Variants in CFAP91 observed in about 807,000 individuals in gnomAD.
CFAP91 encodes the protein cilia and flagella associated protein 91.
Under a neutral mutation model 95.9 loss-of-function variants are expected in CFAP91, and 85 were observed. The observed-to-expected ratio is 0.89, with a 90% confidence interval of 0.74 to 1.06. The LOEUF is 1.06. Among genes scored for constraint, CFAP91 ranks in the 50% least tolerant of loss-of-function variants. The pLI is 0.00. For missense variants in CFAP91, 962 were observed against 943.4 expected, an observed-to-expected ratio of 1.02 and a Z score of -0.26; for synonymous variants, 335 against 327.5, an observed-to-expected ratio of 1.02 and a Z score of -0.25.
intron 6 of CFAP91, among the ~76,000 whole-genome samples, chr3:119,723,200 G>A (rs1378556428): frequency 6.6e-6 from 1 of 152,218 alleles, no homozygotes; most frequent in African/African-American, 2.4e-5. Context: ...AGATTGGGCA[G>A]ATGCAATGTG....
chr3:119,721,115 T>C (rs2053676849), intron 6 of CFAP91, among the ~76,000 whole-genome samples: 1 of 152,292 alleles, frequency 6.6e-6, no homozygotes, highest in East Asian at 1.9e-4. Flanking sequence ...ATACTAGCAA[T>C]CTAATCTTGC....
chr3:119,765,082 G>A lies in CFAP91; in HGVS notation c.*32G>A, dbSNP rs1433654141. The A allele has an allele frequency of 6.6e-6, 1 of 152,082 alleles. No individual in the cohort carries two copies. The highest frequency in any genetic ancestry group is 2.4e-5 in the African/African-American group (1 of 41,414). 9.4% of individuals were successfully genotyped at this position (152,082 alleles called of 1,614,324 possible). A position where few individuals can be genotyped will look rare whatever the true frequency, so the allele number is the denominator to read the frequency against. ...GATTTTTTTGTAAAAGAAGCTGTAC[G>A]AATCATCATAAATAATTCCAATAGT... On this transcript the variant is annotated 3_prime_UTR_variant, in exon 18 of 18. Transcript: ENST00000273390.
chr3:119,738,024 GATGCAAATTTAT>G (rs2054043256), intron 11 of CFAP91, among the ~76,000 whole-genome samples: 1 of 152,208 alleles, frequency 6.6e-6, no homozygotes, highest in Non-Finnish European at 1.5e-5. Flanking sequence ...GAGATGCCAT[GATGCAAATTTAT>G]TACTTTACAG....
At position 119,706,861 on chromosome 3, in the gene CFAP91, A is replaced by G; in HGVS notation, c.177A>G (p.Gln59=). ...AAGACCATACACAGGCAAATATCCA[A>G]GCTACCCTGATTCGCAGCAGACTGG... is the stretch of plus-strand genomic sequence containing the variant. ...SEKDHTQANI[Q]ATLIRSRLRK... The change falls in exon 2 of 18, where the codon CAA becomes CAG. Residue 59 remains glutamine (Q), a synonymous_variant. Transcript: ENST00000273390. The G allele has an allele frequency of 6.2e-7, 1 of 1,613,028 alleles. No individual in the cohort carries two copies. Among genetic ancestry groups the G allele is most frequent in the African/African-American group, 1.3e-5 (1 of 74,642 alleles).
At chr3:119,709,966 A>G (rs2053444421) in intron 5 of CFAP91, 71 bp downstream of exon 5, 2 of 1,183,062 alleles carry the variant, frequency 1.7e-6, no homozygotes, top group Non-Finnish European at 2.5e-6. Context: ...TTCTTAGAAG[A>G]TAGTTCACTA....
At chr3:119,716,099 G>A (rs541031591) in intron 6 of CFAP91, among the ~76,000 whole-genome samples, 1 of 152,260 alleles carries the variant, frequency 6.6e-6, no homozygotes, top group South Asian at 2.1e-4. Context: ...GTAAAATACT[G>A]AATGCACATT....
chr3:119,751,193 G>C lies in CFAP91; in HGVS notation c.*1+95G>C, dbSNP rs1443422488. ...TGTGCTCAAACAATCATAATGTGAAGATTGCTGTTTAAGAAATGGAGGACT... is the reference window on the plus strand; with the variant it reads ...TGTGCTCAAACAATCATAATGTGAACATTGCTGTTTAAGAAATGGAGGACT... On this transcript the variant is annotated intron_variant, in intron 17 of 17. Coordinates refer to ENST00000273390, the MANE Select transcript of CFAP91 (RefSeq NM_033364.4). 2.9e-6 allele frequency: 4 copies of C among 1,364,072 alleles called. No individual in the cohort carries two copies. In the East Asian group the frequency reaches 9.8e-5, roughly 33 times the overall value. The allele number at this position is 1,364,072 out of a possible 1,614,324, so 84.5% of individuals were successfully genotyped here.
intron 12 of CFAP91, among the ~76,000 whole-genome samples, 169 bp from the exon 13 acceptor site, chr3:119,740,380 A>C (rs1323506541): frequency 6.6e-6 from 1 of 152,238 alleles, no homozygotes; most frequent in Non-Finnish European, 1.5e-5. Flanking sequence ...AAGGCACAGA[A>C]AAGAGGGCTG....
chr3:119,708,696 A>G (rs1260139997), intron 4 of CFAP91, 22 bp downstream of exon 4: 1 of 1,331,372 alleles, frequency 7.5e-7, no homozygotes, highest in South Asian at 1.3e-5. Flanking sequence ...TTACTAATGA[A>G]TATTTGAGCC....
At position 119,733,351 on chromosome 3, in the gene CFAP91, T is replaced by C; in HGVS notation, c.1202-13T>C. On this transcript the variant is annotated splice_polypyrimidine_tract_variant and intron_variant, in intron 9 of 17. Coordinates refer to ENST00000273390, the MANE Select transcript of CFAP91 (RefSeq NM_033364.4). ...AGCACTGGATACTAAAAACATGTGC[T>C]TCCTTCCCATAGGATTAGTGGAACT... 6.2e-7 allele frequency: 1 copy of C among 1,613,242 alleles called. No homozygotes were observed. The highest frequency in any genetic ancestry group is 8.5e-7 in the Non-Finnish European group (1 of 1,179,708).
chr3:119,726,170 G>A lies in CFAP91; in HGVS notation c.683-1G>A. On this transcript the variant is annotated splice_acceptor_variant, in intron 6 of 17. Transcript: ENST00000273390. LOFTEE classifies it high-confidence loss of function. ...CTAAGCTGTGCTGCTTTATCCTGCA[G>A]GTCGGGGTCTCCCAGCAGGACAAGC... The A allele has an allele frequency of 1.2e-6, 2 of 1,607,398 alleles. No individual in the cohort carries two copies. Among genetic ancestry groups the A allele is most frequent in the Non-Finnish European group, 1.7e-6 (2 of 1,177,250 alleles).
intron 11 of CFAP91, 110 bp downstream of exon 11, chr3:119,737,592 G>T: frequency 1.7e-6 from 1 of 603,154 alleles, no homozygotes. Context: ...AGTTTCCCAA[G>T]CTCTGACTTA....
Position 119,705,654 on chromosome 3 carries a change from C to G in CFAP91, c.125-1155C>G, listed in dbSNP as rs188308621. ...TAAAATTGCAACCCAATCTTCCTTA[C>G]CCGATTTCTTCTTTTTTAAAAATAA... On this transcript the variant is annotated intron_variant, in intron 1 of 17. Transcript: ENST00000273390. Among the ~76,000 whole-genome samples, 749 of 152,308 alleles carry G rather than the reference C, an allele frequency of 4.9e-3. 6 individuals carry two copies. Among genetic ancestry groups the G allele is most frequent in the African/African-American group, 0.017 (706 of 41,578 alleles).
At chr3:119,718,546 C>T (rs1247684341) in intron 6 of CFAP91, among the ~76,000 whole-genome samples, 1 of 151,992 alleles carries the variant, frequency 6.6e-6, no homozygotes, top group African/African-American at 2.4e-5. Context: ...TTAGCCTTCA[C>T]ACTGAAAAAT....
intron 5 of CFAP91, among the ~76,000 whole-genome samples, chr3:119,713,509 A>C (rs1489023809): frequency 2.0e-5 from 3 of 151,756 alleles, no homozygotes; most frequent in Non-Finnish European, 4.4e-5. Context: ...AAATGGAAAT[A>C]TCTCTTTGTT....
At chr3:119,708,167 G>C (rs928379604) in intron 3 of CFAP91, among the ~76,000 whole-genome samples, 2 of 150,912 alleles carry the variant, frequency 1.3e-5, no homozygotes, top group African/African-American at 4.9e-5. Flanking sequence ...TGTAGTCCCA[G>C]CTACTTGGGA....
intron 11 of CFAP91, among the ~76,000 whole-genome samples, chr3:119,738,330 GTCTTTTTT>G (rs2054049142): frequency 4.2e-5 from 1 of 23,706 alleles, no homozygotes; most frequent in African/African-American, 9.0e-5. Context: ...TTGACATATT[GTCTTTTTT>G]TTTTTTTTTT....
intron 17 of CFAP91, among the ~76,000 whole-genome samples, chr3:119,758,703 A>T (rs2054478597): frequency 6.6e-6 from 1 of 152,134 alleles, no homozygotes; most frequent in African/African-American, 2.4e-5. Flanking sequence ...ATAATTGTGG[A>T]TGGATACCAG....
intron 6 of CFAP91, 48 bp from the exon 7 acceptor site, chr3:119,726,123 G>C: frequency 6.6e-7 from 1 of 1,511,788 alleles, no homozygotes; most frequent in Non-Finnish European, 8.9e-7. Flanking sequence ...ACTGGGGGGT[G>C]CATGGGTCAG....
Sources: gnomAD v4.1 joint callset for allele counts (sites outside exome capture counted in the v4.1 genomes callset) on GRCh38, gnomAD v4.1.1 for gene constraint, MANE v1.5 for transcripts, NCBI Gene and HGNC (gene_info 2026-07-23, HGNC 2026-07-21) for gene names.